COX15: variants seen among roughly 807,000 people sequenced by gnomAD.
COX15 encodes the protein cytochrome c oxidase assembly factor COX15.
In COX15, 51 loss-of-function variants were observed where a neutral mutation model predicts 51.9. The ratio of observed to expected loss-of-function variants is 0.98; its 90% CI spans 0.78 to 1.24. The LOEUF is 1.24. COX15 is among the 50% of genes most tolerant of loss of function. COX15 has a pLI of 0.00. For missense variants in COX15, 420 were observed against 501.1 expected, an observed-to-expected ratio of 0.84 and a Z score of 1.55; for synonymous variants, 188 against 190.5, an observed-to-expected ratio of 0.99 and a Z score of 0.11.
At chr10:99,708,819 C>T (rs1302538639), downstream of COX15, 4 of 985,386 alleles carry the variant, frequency 4.1e-6, no homozygotes, top group Non-Finnish European at 4.8e-6. Context: ...TGACTGGCCT[C>T]CTAGCCCAAC....
chr10:99,729,467 A>G (rs1381809532), intron 2 of COX15, 86 bp downstream of exon 2: 1 of 1,448,872 alleles, frequency 6.9e-7, no homozygotes, highest in Non-Finnish European at 9.5e-7. Flanking sequence ...CTCAAAAAAA[A>G]AAAAAAAAAA....
At chr10:99,701,137 CAGA>C in the COX15 span, 4 of 1,225,268 alleles carry the variant, frequency 3.3e-6, no homozygotes, top group Non-Finnish European at 4.8e-6. Flanking sequence ...AGCAATAATG[CAGA>C]TTAGATTTCA....
intron 2 of COX15, among the ~76,000 whole-genome samples, chr10:99,728,726 G>A (rs1168341270): frequency 1.3e-5 from 2 of 152,072 alleles, no homozygotes; most frequent in Non-Finnish European, 2.9e-5. Flanking sequence ...GGAAATAGAC[G>A]GGACAAAGGA....
the COX15 span, chr10:99,698,525 T>C: frequency 2.7e-5 from 44 of 1,609,810 alleles, no homozygotes; most frequent in Non-Finnish European, 3.4e-5. Flanking sequence ...GTTTTTGTCA[T>C]TGTGGCAGAT....
chr10:99,727,785 T>C (rs144306317), intron 2 of COX15, among the ~76,000 whole-genome samples: 2 of 152,302 alleles, frequency 1.3e-5, no homozygotes, highest in East Asian at 3.9e-4. Flanking sequence ...AATCCTTTTA[T>C]TCAACTCTCC....
chr10:99,702,265 GCT>G, the COX15 span, among the ~76,000 whole-genome samples: 1 of 151,996 alleles, frequency 6.6e-6, no homozygotes, highest in Non-Finnish European at 1.5e-5. Flanking sequence ...ATTTTAATAT[GCT>G]CTCTGAAGAT....
chr10:99,710,312 T>C (rs1209944502), downstream of COX15: 4 of 985,342 alleles, frequency 4.1e-6, no homozygotes, highest in East Asian at 3.4e-4. Context: ...TCAGTTACTA[T>C]GTTGTATTTG....
chr10:99,711,904 A>C lies in COX15; in HGVS notation c.*2683T>G, dbSNP rs896506229. The C allele has an allele frequency of 3.5e-6, 3 of 867,702 alleles. No homozygotes were observed. In the African/African-American group the frequency reaches 5.5e-5, roughly 16 times the overall value. 53.8% of individuals were successfully genotyped at this position (867,702 alleles called of 1,614,324 possible). ...TTCTGCATAGAACTGTATAGGAAGC[A>C]TGGCGCTGGCATCTGCTTCTGGTGA... On this transcript the variant is annotated 3_prime_UTR_variant, in exon 9 of 9. Coordinates refer to ENST00000016171, the MANE Select transcript of COX15 (RefSeq NM_078470.6).
chr10:99,694,535 TTTG>T, the COX15 span, among the ~76,000 whole-genome samples: 3 of 63,988 alleles, frequency 4.7e-5, no homozygotes, highest in Non-Finnish European at 1.0e-4. Flanking sequence ...CATAAGTTTT[TTTG>T]TTTTTTTTTT....
downstream of COX15, chr10:99,710,495 AGTT>A (rs1049006759): frequency 1.9e-5 from 19 of 985,220 alleles, no homozygotes; most frequent in African/African-American, 2.8e-4. Context: ...TGCTTTGGGG[AGTT>A]GTTAAGACTC....
chr10:99,698,589 C>T, the COX15 span: 1 of 1,614,198 alleles, frequency 6.2e-7, no homozygotes, highest in Non-Finnish European at 8.5e-7. Flanking sequence ...GGATCCCTGC[C>T]TGCCAGTGGG....
At chr10:99,710,204 G>A (rs886046598), downstream of COX15, 36 of 985,406 alleles carry the variant, frequency 3.7e-5, no homozygotes, top group Non-Finnish European at 4.1e-5. Context: ...AGCACTTGCC[G>A]GCATTTGGCC....
Position 99,712,280 on chromosome 10 carries a change from T to A in COX15, c.*2307A>T. ...CAGAGTACTGGAGTTGAAAGAGAAC[T>A]GAGATCACCTAGTTCAGAGACTAAC... On this transcript the variant is annotated 3_prime_UTR_variant, in exon 9 of 9. Coordinates refer to ENST00000016171, the MANE Select transcript of COX15 (RefSeq NM_078470.6). The A allele has an allele frequency of 1.0e-6, 1 of 985,336 alleles. No individual in the cohort carries two copies. The highest frequency in any genetic ancestry group is 1.2e-6 in the Non-Finnish European group (1 of 829,836). 61.0% of individuals were successfully genotyped at this position (985,336 alleles called of 1,614,324 possible).
At chr10:99,710,251 A>G (rs2036339265), downstream of COX15, 1 of 985,362 alleles carries the variant, frequency 1.0e-6, no homozygotes, top group Non-Finnish European at 1.2e-6. Flanking sequence ...AGCTTCATAA[A>G]TGTTTTTCTG....
At chr10:99,709,473 A>T (rs997003874), downstream of COX15, 2 of 985,330 alleles carry the variant, frequency 2.0e-6, no homozygotes, top group African/African-American at 3.5e-5. Context: ...TACAAAAAAT[A>T]TTGCTGTTAA....
chr10:99,728,312 A>G (rs1161773525), intron 2 of COX15, among the ~76,000 whole-genome samples: 1 of 152,200 alleles, frequency 6.6e-6, no homozygotes, highest in Non-Finnish European at 1.5e-5. Flanking sequence ...CATCATCACA[A>G]CGGACCGAAA....
At chr10:99,703,965 A>G in the COX15 span, among the ~76,000 whole-genome samples, 19 of 152,220 alleles carry the variant, frequency 1.2e-4, no homozygotes, top group South Asian at 1.2e-3. Flanking sequence ...GCTTCAAGCA[A>G]TTCTCCTGGC....
At chr10:99,704,102 C>T in the COX15 span, among the ~76,000 whole-genome samples, 2 of 152,192 alleles carry the variant, frequency 1.3e-5, no homozygotes, top group African/African-American at 4.8e-5. Context: ...ACCCTATTCT[C>T]ATTAGTACTG....
At chr10:99,701,579 G>A in the COX15 span, among the ~76,000 whole-genome samples, 1 of 151,438 alleles carries the variant, frequency 6.6e-6, no homozygotes, top group Non-Finnish European at 1.5e-5. Flanking sequence ...TGAGCCACCG[G>A]GCCCGGCCAA....
Sources: gnomAD v4.1 joint callset for allele counts (sites outside exome capture counted in the v4.1 genomes callset) on GRCh38, gnomAD v4.1.1 for gene constraint, MANE v1.5 for transcripts, NCBI Gene and HGNC (gene_info 2026-07-23, HGNC 2026-07-21) for gene names.